The following LIN28B variants were observed in gnomAD, a reference collection of about 807,000 sequenced individuals.
LIN28B encodes protein lin-28 homolog B.
Under a neutral mutation model 21.9 loss-of-function variants are expected in LIN28B, and 5 were observed. The observed-to-expected ratio is 0.23, with a 90% CI of 0.12 to 0.48. LIN28B has a LOEUF of 0.48. Ranked by LOEUF, LIN28B falls within the 20% of genes least tolerant of loss-of-function variation. The pLI is 0.98. For synonymous variants in LIN28B, 109 were observed against 111.3 expected (o/e 0.98, Z 0.13); for missense variants, 245 against 310.5 (o/e 0.79, Z 1.58).
chr6:105,053,484 T>G (rs1771954226), intron 3 of LIN28B, among the ~76,000 whole-genome samples: 1 of 151,860 alleles, frequency 6.6e-6, no homozygotes, highest in African/African-American at 2.4e-5. Flanking sequence ...TTTCTCTATT[T>G]CTTCTTTGAG....
chr6:105,038,890 A>G (rs1771577400), intron 3 of LIN28B, among the ~76,000 whole-genome samples: 1 of 152,204 alleles, frequency 6.6e-6, no homozygotes, highest in South Asian at 2.1e-4. Context: ...ACTAGCAGAA[A>G]TTTCAAAGTC....
intron 3 of LIN28B, among the ~76,000 whole-genome samples, chr6:105,068,571 C>T (rs923882107): frequency 2.0e-5 from 3 of 152,132 alleles, no homozygotes; most frequent in African/African-American, 7.2e-5. Flanking sequence ...CTGATCCCTG[C>T]TTGTTACGCT....
At chr6:105,010,145 C>A (rs1770892111) in intron 2 of LIN28B, among the ~76,000 whole-genome samples, 1 of 151,390 alleles carries the variant, frequency 6.6e-6, no homozygotes, top group Admixed American at 6.6e-5. Context: ...CGCTTAAGCC[C>A]AGGAGTATGA....
intron 2 of LIN28B, among the ~76,000 whole-genome samples, chr6:104,959,571 G>A (rs1295253958): frequency 6.6e-6 from 1 of 152,128 alleles, no homozygotes; most frequent in Non-Finnish European, 1.5e-5. Flanking sequence ...TGAAGGCCTG[G>A]CCATCATTAT....
chr6:104,938,497 C>T (rs892219181), intron 2 of LIN28B, among the ~76,000 whole-genome samples: 5 of 151,610 alleles, frequency 3.3e-5, no homozygotes, highest in African/African-American at 4.8e-5. Context: ...AAATTAGCTG[C>T]GTGTGGTAGA....
intron 3 of LIN28B, among the ~76,000 whole-genome samples, chr6:105,038,926 C>T (rs1366203997): frequency 2.0e-5 from 3 of 152,132 alleles, no homozygotes; most frequent in East Asian, 3.9e-4. Flanking sequence ...TTGTGAAGAA[C>T]GTTCCACAAT....
rs180824772 is a variant in LIN28B, at chr6:105,017,465, C to G, written c.199-8833C>G. Reference sequence around the variant, plus strand: ...GTTTATTGAACTACTAGTCAATGTACTGAGCATTGTTCTAGGCATTGTACA... The same window carrying G: ...GTTTATTGAACTACTAGTCAATGTAGTGAGCATTGTTCTAGGCATTGTACA... On this transcript the variant is annotated intron_variant, in intron 2 of 3. Transcript: ENST00000345080. Among the ~76,000 whole-genome samples, 12 of 152,290 alleles carry G rather than the reference C, an allele frequency of 7.9e-5. No individual in the cohort carries two copies. The East Asian group carries it at 2.3e-3, about 29-fold the overall frequency.
chr6:104,955,601 C>T (rs943744211), upstream of LIN28B, among the ~76,000 whole-genome samples: 1 of 151,712 alleles, frequency 6.6e-6, no homozygotes, highest in African/African-American at 2.4e-5. Flanking sequence ...CTCTTCGATT[C>T]ATAATCCCTA....
chr6:104,995,528 G>T (rs923927733), intron 2 of LIN28B, among the ~76,000 whole-genome samples: 5 of 152,120 alleles, frequency 3.3e-5, no homozygotes, highest in African/African-American at 1.2e-4. Context: ...CTCAAGTCTA[G>T]GTTCTAGTTA....
At chr6:104,937,317 G>C (rs1368577896) in intron 2 of LIN28B, among the ~76,000 whole-genome samples, 2 of 152,150 alleles carry the variant, frequency 1.3e-5, no homozygotes, top group African/African-American at 4.8e-5. Flanking sequence ...GTAGAGACGC[G>C]GTGACCATTT....
Position 105,059,087 on chromosome 6 carries a change from A to G in LIN28B, c.384-19327A>G, listed in dbSNP as rs367564076. The stretch of plus-strand genomic sequence containing the variant: ...TTCTTTTGTATTCGTTTTATGTTCT[A>G]TCTGTGGCCTCTTACTATCTCCTAC... On this transcript the variant is annotated intron_variant, in intron 3 of 3. Transcript: ENST00000345080. Among the ~76,000 whole-genome samples, 3 of 152,216 alleles carry G rather than the reference A, an allele frequency of 2.0e-5. No individual in the cohort carries two copies. In the East Asian group the frequency reaches 5.8e-4, roughly 29 times the overall value.
At chr6:105,036,093 C>T (rs1451960766) in intron 3 of LIN28B, among the ~76,000 whole-genome samples, 1 of 152,044 alleles carries the variant, frequency 6.6e-6, no homozygotes, top group East Asian at 1.9e-4. Context: ...TTAAAATGTT[C>T]CTTATATCTT....
chr6:105,054,461 G>C (rs565962707), intron 3 of LIN28B, among the ~76,000 whole-genome samples: 1 of 152,212 alleles, frequency 6.6e-6, no homozygotes, highest in South Asian at 2.1e-4. Context: ...GCTTTAAATA[G>C]TGTTTCCTGT....
intron 2 of LIN28B, among the ~76,000 whole-genome samples, chr6:105,006,630 CAT>C (rs1288569033): frequency 6.6e-6 from 1 of 152,088 alleles, no homozygotes; most frequent in Non-Finnish European, 1.5e-5. Context: ...GTTTTGGTAA[CAT>C]ATGACCCCAA....
Position 104,957,197 on chromosome 6 carries a change from C to T in LIN28B, c.-54C>T. The T allele has an allele frequency of 6.2e-7, 1 of 1,613,944 alleles. No individual in the cohort carries two copies. The highest frequency in any genetic ancestry group is 8.5e-7 in the Non-Finnish European group (1 of 1,179,858). ...GATTGATGCAGAAGATCACTCCGTT[C>T]CAAAGGGAAAGTTTTCATCTCACGA... On this transcript the variant is annotated 5_prime_UTR_variant, in exon 1 of 4. Transcript: ENST00000345080.
At chr6:105,072,178 T>G (rs1772345428) in intron 3 of LIN28B, among the ~76,000 whole-genome samples, 1 of 152,142 alleles carries the variant, frequency 6.6e-6, no homozygotes, top group African/African-American at 2.4e-5. Context: ...TCAATATTGT[T>G]GGGTATAACA....
At chr6:105,007,993 A>G (rs1444110643) in intron 2 of LIN28B, among the ~76,000 whole-genome samples, 1 of 152,048 alleles carries the variant, frequency 6.6e-6, no homozygotes, top group African/African-American at 2.4e-5. Flanking sequence ...AAAACACCTC[A>G]AGTATGTTAG....
intron 2 of LIN28B, among the ~76,000 whole-genome samples, chr6:104,997,280 C>CA (rs767052570): frequency 0.034 from 2,014 of 60,058 alleles, 26 homozygotes; most frequent in African/African-American, 0.071. Flanking sequence ...GACTCCGTCT[C>CA]AAAAAAAAAA....
At position 104,969,197 on chromosome 6, in the gene LIN28B, GCTCT is replaced by G. The variant is rs1562075895; in HGVS notation, c.198+10914_198+10917del. On this transcript the variant is annotated intron_variant, in intron 2 of 3. Transcript: ENST00000345080. Reference sequence around the variant, plus strand: ...GTCACATTATTGGCCTCATTTTTTAGCTCTCTAATTAAAAATTTTCGTTGAATAC... The same window carrying G: ...GTCACATTATTGGCCTCATTTTTTAGCTAATTAAAAATTTTCGTTGAATAC... Among the ~76,000 whole-genome samples the G allele has an allele frequency of 3.9e-5, 6 of 151,998 alleles. No individual in the cohort carries two copies. In the South Asian group the frequency reaches 1.2e-3, roughly 32 times the overall value.
Sources: gnomAD v4.1 joint callset for allele counts (sites outside exome capture counted in the v4.1 genomes callset) on GRCh38, gnomAD v4.1.1 for gene constraint, MANE v1.5 for transcripts, NCBI Gene and HGNC (gene_info 2026-07-23, HGNC 2026-07-21) for gene names.